Variants in UBTD2 observed in about 807,000 individuals in gnomAD.
UBTD2 encodes the protein ubiquitin domain-containing protein 2.
UBTD2 carries 9 observed loss-of-function variants against 19.8 expected under a neutral mutation model. The ratio of observed to expected loss-of-function variants is 0.46; its 90% CI spans 0.27 to 0.79. The LOEUF (loss-of-function observed/expected upper bound fraction) is 0.79. Ranked by LOEUF, UBTD2 falls within the 30% of genes least tolerant of loss-of-function variation. The pLI is 0.14. For missense variants in UBTD2, 250 were observed against 300.4 expected (o/e 0.83, Z 1.24); for synonymous variants, 98 against 103.9 (o/e 0.94, Z 0.35).
intron 1 of UBTD2, chr5:172,255,483 G>C (rs1232463239): frequency 2.7e-6 from 1 of 367,838 alleles, no homozygotes; most frequent in Non-Finnish European, 5.5e-6. Context: ...TGAGAGGTGT[G>C]GTTAGGGACG....
Position 172,212,209 on chromosome 5 carries a change from T to G in UBTD2, c.326A>C (p.Tyr109Ser), listed in dbSNP as rs199901548. The G allele has an allele frequency of 6.2e-7, 1 of 1,605,120 alleles. No individual in the cohort carries two copies. The highest frequency in any genetic ancestry group is 1.3e-5 in the African/African-American group (1 of 74,854). Residue 109 changes from tyrosine to serine, a missense_variant, in exon 3 of 3, where the codon TAC becomes TCC. Tyr to Ser is a moderately radical substitution (Grantham distance 144). Coordinates refer to ENST00000393792, the MANE Select transcript of UBTD2 (RefSeq NM_152277.3). The part of the protein sequence containing the change: ...TLPHGALTEC[Y>S]DELGNRYQLP... Reference sequence around the variant, plus strand: ...CTGATATCTGTTCCCCAGTTCATCGTAGCACTCTGTAAGTGCACCTTCAGA... The same window carrying G: ...CTGATATCTGTTCCCCAGTTCATCGGAGCACTCTGTAAGTGCACCTTCAGA...
rs1415046686 is a variant in UBTD2 at position 172,209,769 on chromosome 5, C to T, written c.*2061G>A. On this transcript the variant is annotated 3_prime_UTR_variant, in exon 3 of 3. Coordinates refer to ENST00000393792, the MANE Select transcript of UBTD2 (RefSeq NM_152277.3). Reference sequence around the variant, plus strand: ...TACAATTAAACAGCACCATGGTTTTCCCACCTAGGTTAGTTAAACATGCCC... The same window carrying T: ...TACAATTAAACAGCACCATGGTTTTTCCACCTAGGTTAGTTAAACATGCCC... 1 of 152,224 alleles carries T rather than the reference C, an allele frequency of 6.6e-6. No individual in the cohort carries two copies. 9.4% of individuals were successfully genotyped at this position (152,224 alleles called of 1,614,324 possible). A position where few individuals can be genotyped will look rare whatever the true frequency, so the allele number is the denominator to read the frequency against.
intron 1 of UBTD2, among the ~76,000 whole-genome samples, chr5:172,269,650 G>C (rs1755445186): frequency 1.4e-5 from 2 of 144,128 alleles, no homozygotes; most frequent in Admixed American, 1.4e-4. Flanking sequence ...GCGGTCTGAA[G>C]AATCTTAGAC....
intron 1 of UBTD2, chr5:172,254,461 G>A (rs1755098621): frequency 4.0e-6 from 2 of 503,100 alleles, no homozygotes; most frequent in South Asian, 2.5e-5. Context: ...CACTGTAAAG[G>A]TTTGATTCCA....
In UBTD2 at chr5:172,211,756, C is replaced by A; in HGVS notation, c.*74G>T. Reference sequence around the variant, plus strand: ...TAGAGCAGTGAAATAGATTTCACGCCGCAGAGTAGGAAATGACAACAAGAA... The same window carrying A: ...TAGAGCAGTGAAATAGATTTCACGCAGCAGAGTAGGAAATGACAACAAGAA... On this transcript the variant is annotated 3_prime_UTR_variant, in exon 3 of 3. Transcript: ENST00000393792. 2 of 1,458,784 alleles carry A rather than the reference C, an allele frequency of 1.4e-6. No individual in the cohort carries two copies. Among genetic ancestry groups the A allele is most frequent in the Non-Finnish European group, 1.8e-6 (2 of 1,092,320 alleles). The allele number at this position is 1,458,784 out of a possible 1,614,324, so 90.4% of individuals were successfully genotyped here.
intron 1 of UBTD2, among the ~76,000 whole-genome samples, chr5:172,252,908 A>G (rs1341784744): frequency 3.3e-5 from 5 of 152,222 alleles, no homozygotes; most frequent in Non-Finnish European, 7.3e-5. Flanking sequence ...CTAACATGTT[A>G]AATTCTATCC....
chr5:172,256,179 A>T (rs1755144921), intron 1 of UBTD2, among the ~76,000 whole-genome samples: 1 of 152,138 alleles, frequency 6.6e-6, no homozygotes, highest in African/African-American at 2.4e-5. Flanking sequence ...GCTAACAATG[A>T]CATTCCTGTT....
At chr5:172,271,293 G>C (rs967793823) in intron 1 of UBTD2, among the ~76,000 whole-genome samples, 2 of 152,064 alleles carry the variant, frequency 1.3e-5, no homozygotes, top group Non-Finnish European at 1.5e-5. Context: ...GCCAGGCGTG[G>C]TGGCAGGCGC....
intron 2 of UBTD2, among the ~76,000 whole-genome samples, chr5:172,227,878 G>A (rs570254532): frequency 9.0e-4 from 135 of 150,742 alleles, no homozygotes; most frequent in Non-Finnish European, 1.8e-3. Context: ...ACGGGGTTTC[G>A]CCATGTTGGC....
At chr5:172,234,090 T>G (rs572690662) in intron 2 of UBTD2, 32 bp downstream of exon 2, 1 of 1,601,130 alleles carries the variant, frequency 6.2e-7, no homozygotes, top group Non-Finnish European at 8.6e-7. Context: ...GTTGATTATG[T>G]TTCCTCTGTC....
intron 2 of UBTD2, among the ~76,000 whole-genome samples, chr5:172,214,052 T>TG (rs1252322484): frequency 2.6e-5 from 4 of 152,256 alleles, no homozygotes; most frequent in African/African-American, 9.6e-5. Flanking sequence ...CCCAAAGTGT[T>TG]GGGATCACAG....
intron 1 of UBTD2, among the ~76,000 whole-genome samples, chr5:172,263,864 T>TGTGTGTGTGTGTGTGC (rs1561864606): frequency 6.6e-6 from 1 of 151,526 alleles, no homozygotes; most frequent in Non-Finnish European, 1.5e-5. Context: ...TGTGTGTGTG[T>TGTGTGTGTGTGTGTGC]GTGTGTGTGT....
chr5:172,232,023 C>A (rs1322339472), intron 2 of UBTD2, among the ~76,000 whole-genome samples: 2 of 152,200 alleles, frequency 1.3e-5, no homozygotes, highest in Non-Finnish European at 2.9e-5. Context: ...GTAATCCCAG[C>A]ACTTTAGAAG....
intron 2 of UBTD2, among the ~76,000 whole-genome samples, chr5:172,230,699 AT>A: frequency 6.6e-6 from 1 of 152,334 alleles, no homozygotes; most frequent in African/African-American, 2.4e-5. Context: ...CTATGTAATA[AT>A]TTAAACTTAA....
chr5:172,223,328 G>A (rs964894590), intron 2 of UBTD2, among the ~76,000 whole-genome samples: 6 of 152,026 alleles, frequency 3.9e-5, no homozygotes, highest in African/African-American at 1.4e-4. Flanking sequence ...CACTTGGCCA[G>A]GCATGGTGGC....
chr5:172,256,510 G>C (rs1162222719), intron 1 of UBTD2, among the ~76,000 whole-genome samples: 1 of 149,468 alleles, frequency 6.7e-6, no homozygotes, highest in Non-Finnish European at 1.5e-5. Flanking sequence ...GGGACTACAG[G>C]TGCATGCCAC....
chr5:172,272,471 C>G (rs1458530588), intron 1 of UBTD2, among the ~76,000 whole-genome samples: 2 of 152,080 alleles, frequency 1.3e-5, no homozygotes, highest in Non-Finnish European at 2.9e-5. Context: ...ATGAAGATAA[C>G]CACTCAGGTG....
chr5:172,241,136 G>A (rs556521500), intron 1 of UBTD2, among the ~76,000 whole-genome samples: 36 of 151,838 alleles, frequency 2.4e-4, no homozygotes, highest in South Asian at 2.3e-3. Flanking sequence ...GATGCTGGCC[G>A]GGCACGGTGG....
At position 172,210,097 on chromosome 5, in the gene UBTD2, T is replaced by C. The variant is rs1205280301; in HGVS notation, c.*1733A>G. 2 of 152,196 alleles carry C rather than the reference T, an allele frequency of 1.3e-5. No individual in the cohort carries two copies. The highest frequency in any genetic ancestry group is 6.5e-5 in the Admixed American group (1 of 15,280). 9.4% of individuals were successfully genotyped at this position (152,196 alleles called of 1,614,324 possible). ...AAAAAATCTCCTTTGGGATTAATGC[T>C]GTGGTCTTCACTTGAATTTAGATTC... On this transcript the variant is annotated 3_prime_UTR_variant, in exon 3 of 3. Transcript: ENST00000393792.
Sources: gnomAD v4.1 joint callset for allele counts (sites outside exome capture counted in the v4.1 genomes callset) on GRCh38, gnomAD v4.1.1 for gene constraint, MANE v1.5 for transcripts, NCBI Gene and HGNC (gene_info 2026-07-23, HGNC 2026-07-21) for gene names.